TSHZ2: variants seen among roughly 807,000 people sequenced by gnomAD.
TSHZ2 encodes teashirt zinc finger homeobox 2.
In TSHZ2, 21 loss-of-function variants were observed where a neutral mutation model predicts 74.4. The observed-to-expected ratio is 0.28, with a 90% confidence interval of 0.20 to 0.41. The LOEUF is 0.41. Ranked by LOEUF, TSHZ2 falls within the 10% of genes least tolerant of loss-of-function variation. The pLI, the probability that TSHZ2 is intolerant of heterozygous loss-of-function variation, is 1.00. For synonymous variants in TSHZ2, 540 were observed against 515.3 expected (o/e 1.05, Z -0.65); for missense variants, 1,244 against 1,293.5 (o/e 0.96, Z 0.59).
At chr20:53,229,028 C>T (rs1989756915) in intron 1 of TSHZ2, among the ~76,000 whole-genome samples, 1 of 152,188 alleles carries the variant, frequency 6.6e-6, no homozygotes, top group Non-Finnish European at 1.5e-5. Context: ...GGAGTCAACA[C>T]ACTCTTTGCA....
At chr20:53,404,120 G>A (rs1369396638) in intron 2 of TSHZ2, among the ~76,000 whole-genome samples, 1 of 152,036 alleles carries the variant, frequency 6.6e-6, no homozygotes, top group African/African-American at 2.4e-5. Flanking sequence ...TTTCAAGGAT[G>A]GCCTTTTCTT....
chr20:53,005,410 T>G (rs1982607615), intron 1 of TSHZ2, among the ~76,000 whole-genome samples: 1 of 151,118 alleles, frequency 6.6e-6, no homozygotes, highest in Non-Finnish European at 1.5e-5. Context: ...GTAGATGTCC[T>G]GCCATCTGAA....
intron 1 of TSHZ2, among the ~76,000 whole-genome samples, chr20:52,995,882 A>T (rs1253600694): frequency 2.0e-5 from 3 of 151,992 alleles, no homozygotes; most frequent in Non-Finnish European, 4.4e-5. Flanking sequence ...TCGGCCTCCC[A>T]AAGTGCTAGG....
At chr20:53,223,941 T>G (rs1342077465) in intron 1 of TSHZ2, among the ~76,000 whole-genome samples, 1 of 150,282 alleles carries the variant, frequency 6.7e-6, no homozygotes, top group Non-Finnish European at 1.5e-5. Flanking sequence ...ACCCCTAAGT[T>G]TAGGTAAAAC....
At position 53,255,316 on chromosome 20, in the gene TSHZ2, C is replaced by G; in HGVS notation, c.1858C>G (p.His620Asp). The G allele has an allele frequency of 6.2e-7, 1 of 1,614,028 alleles. No individual in the cohort carries two copies. Residue 620 changes from histidine (H) to aspartate (D), a missense_variant, in exon 2 of 3, where the codon CAC becomes GAC. This residue lies in a region of TSHZ2 where 562 missense variants were observed against 544.0 expected (regional missense o/e 1.03). Transcript: ENST00000371497. This position sits in a 1 kb window ranked among gnomAD's most constrained non-coding sequence, Gnocchi z 4.1. The part of the protein sequence containing the change: ...AVKECGKESP[H>D]EEASSFSHSE... Reference sequence around the variant, plus strand: ...GAAGGAGTGTGGGAAAGAAAGTCCCCACGAAGAGGCCTCATCTTTCAGCCA... The same window carrying G: ...GAAGGAGTGTGGGAAAGAAAGTCCCGACGAAGAGGCCTCATCTTTCAGCCA...
chr20:53,322,312 A>G (rs555869919), intron 2 of TSHZ2, among the ~76,000 whole-genome samples: 1 of 152,326 alleles, frequency 6.6e-6, no homozygotes, highest in South Asian at 2.1e-4. Context: ...CAAGAGTTCA[A>G]GACCAGCCTG....
rs1281531019 is a variant in TSHZ2 at position 53,441,799 on chromosome 20, C to T, written c.*9-45345C>T. Among the ~76,000 whole-genome samples the T allele has an allele frequency of 5.9e-5, 9 of 151,950 alleles. No individual in the cohort carries two copies. In the East Asian group the frequency reaches 1.7e-3, roughly 29 times the overall value. On this transcript the variant is annotated intron_variant, in intron 2 of 2. Transcript: ENST00000371497. ...GTTTTGCCATGTTGGCCAGGCTAGTCTTGAACTCCTGACCTCAAATGATCC... is the reference window on the plus strand; with the variant it reads ...GTTTTGCCATGTTGGCCAGGCTAGTTTTGAACTCCTGACCTCAAATGATCC...
intron 2 of TSHZ2, among the ~76,000 whole-genome samples, chr20:53,367,773 G>A (rs1470352183): frequency 2.6e-5 from 4 of 151,802 alleles, no homozygotes; most frequent in African/African-American, 4.8e-5. Flanking sequence ...GGGTTTCATC[G>A]TGTTAGCCAG....
intron 2 of TSHZ2, among the ~76,000 whole-genome samples, chr20:53,346,426 C>T (rs1980440987): frequency 6.6e-6 from 1 of 152,184 alleles, no homozygotes. Flanking sequence ...GCTGGAATGT[C>T]CTCTTTCCAG....
intron 2 of TSHZ2, among the ~76,000 whole-genome samples, chr20:53,284,932 T>C (rs1991136843): frequency 6.6e-6 from 1 of 152,144 alleles, no homozygotes; most frequent in Non-Finnish European, 1.5e-5. Context: ...TTCAGTGATA[T>C]GAAAGGCAGC....
chr20:52,984,946 C>G (rs1293016984), intron 1 of TSHZ2, among the ~76,000 whole-genome samples: 2 of 152,342 alleles, frequency 1.3e-5, no homozygotes, highest in East Asian at 3.9e-4. Context: ...TTCTATTTTT[C>G]TCCTCCAGTT....
chr20:53,363,524 G>A (rs532549115), intron 2 of TSHZ2, among the ~76,000 whole-genome samples: 1 of 152,352 alleles, frequency 6.6e-6, no homozygotes, highest in African/African-American at 2.4e-5. Flanking sequence ...TTGAGATAAA[G>A]TCAATTCTCC....
rs148430587 is a variant in TSHZ2, at chr20:53,188,015, T to G, written c.41-65484T>G. 3.4e-3 allele frequency among the ~76,000 whole-genome samples: 511 copies of G among 152,272 alleles called. 4 individuals are homozygous for G. Among genetic ancestry groups the G allele is most frequent in the African/African-American group, 0.012 (480 of 41,544 alleles). ...TGGCACGAAGCAAGTCTGGAAGACT[T>G]TCTGTTCCTGGAACTGAAGGTATTC... On this transcript the variant is annotated intron_variant, in intron 1 of 2. Coordinates refer to ENST00000371497, the MANE Select transcript of TSHZ2 (RefSeq NM_173485.6).
intron 1 of TSHZ2, among the ~76,000 whole-genome samples, chr20:53,146,530 G>A (rs555755834): frequency 6.6e-6 from 1 of 152,298 alleles, no homozygotes; most frequent in East Asian, 1.9e-4. Context: ...GCTCAGGATT[G>A]TCTTTTGAAA....
intron 2 of TSHZ2, among the ~76,000 whole-genome samples, chr20:53,463,860 C>A (rs1985478050): frequency 6.6e-6 from 1 of 152,204 alleles, no homozygotes; most frequent in African/African-American, 2.4e-5. Context: ...ATCTCTGAGC[C>A]TTGATTTCCT....
rs1325337883 is a variant in TSHZ2, at chr20:53,095,524, T to C, written c.40+122191T>C. ...TGATAAGATATTATTAGAAGCAGCA[T>C]GAATAGGTGGCAGGGAACAACAACA... is the stretch of plus-strand genomic sequence containing the variant. On this transcript the variant is annotated intron_variant, in intron 1 of 2. Transcript: ENST00000371497. Among the ~76,000 whole-genome samples, 3 of 151,946 alleles carry C rather than the reference T, an allele frequency of 2.0e-5. No individual in the cohort carries two copies. The South Asian group carries it at 6.3e-4, about 32-fold the overall frequency.
chr20:53,016,359 G>T (rs1301671272), intron 1 of TSHZ2, among the ~76,000 whole-genome samples: 1 of 152,100 alleles, frequency 6.6e-6, no homozygotes, highest in Admixed American at 6.6e-5. Flanking sequence ...AAAGAACAAG[G>T]TAGGTTCACC....
intron 2 of TSHZ2, among the ~76,000 whole-genome samples, chr20:53,345,897 C>CA (rs1247204004): frequency 6.6e-6 from 1 of 152,134 alleles, no homozygotes; most frequent in Non-Finnish European, 1.5e-5. Context: ...GCACCGGCAG[C>CA]AGCCCCTGGG....
intron 1 of TSHZ2, among the ~76,000 whole-genome samples, chr20:53,153,631 A>G (rs79759883): frequency 0.026 from 3,938 of 152,250 alleles, 159 homozygotes; most frequent in African/African-American, 0.09. Flanking sequence ...AGGTCCCACC[A>G]CTGGACTAAA....
Sources: allele counts gnomAD v4.1 joint callset (sites outside exome capture counted in the v4.1 genomes callset), GRCh38; gene constraint gnomAD v4.1.1; regional missense constraint gnomAD v4.1.1; non-coding constraint Gnocchi (gnomAD v3.1); transcripts MANE v1.5; gene names NCBI Gene and HGNC (gene_info 2026-07-23, HGNC 2026-07-21).